The following GPM6A variants were observed in gnomAD, a reference collection of about 807,000 sequenced individuals.
GPM6A encodes glycoprotein M6A.
In GPM6A, 7 loss-of-function variants were observed where a neutral mutation model predicts 32.1. That is an observed-to-expected ratio of 0.22 (90% CI 0.12 to 0.41). The LOEUF (loss-of-function observed/expected upper bound fraction) is 0.41, where lower values mean the gene tolerates loss of function less well. Ranked by LOEUF, GPM6A falls within the 10% of genes least tolerant of loss-of-function variation. The pLI is 1.00. For missense variants in GPM6A, 235 were observed against 347.2 expected, an observed-to-expected ratio of 0.68 and a Z score of 2.57; for synonymous variants, 130 against 123.4, an observed-to-expected ratio of 1.05 and a Z score of -0.35.
chr4:175,991,641 A>G (rs1741149705), intron 1 of GPM6A, among the ~76,000 whole-genome samples: 1 of 152,182 alleles, frequency 6.6e-6, no homozygotes, highest in Non-Finnish European at 1.5e-5. Context: ...AATATTTTGA[A>G]AGCACAATTC....
At chr4:175,712,087 G>T (rs763453791) in intron 1 of GPM6A, among the ~76,000 whole-genome samples, 1 of 152,072 alleles carries the variant, frequency 6.6e-6, no homozygotes, top group East Asian at 1.9e-4. Flanking sequence ...GGAGAGAAAA[G>T]ATAAACAACT....
intron 3 of GPM6A, among the ~76,000 whole-genome samples, chr4:175,653,743 T>C (rs1741929175): frequency 6.6e-6 from 1 of 152,010 alleles, no homozygotes; most frequent in Admixed American, 6.6e-5. Context: ...CAATAACACT[T>C]CCCCCTTATT....
At chr4:175,658,786 A>G (rs2110938955) in intron 3 of GPM6A, among the ~76,000 whole-genome samples, 1 of 152,320 alleles carries the variant, frequency 6.6e-6, no homozygotes, top group East Asian at 1.9e-4. Flanking sequence ...TGAGGAATTT[A>G]TTCATGAGCA....
chr4:175,736,408 A>G (rs1444500205), intron 1 of GPM6A, among the ~76,000 whole-genome samples: 1 of 152,202 alleles, frequency 6.6e-6, no homozygotes, highest in Non-Finnish European at 1.5e-5. Flanking sequence ...CCGAGGATCT[A>G]TGCCACCTGT....
chr4:175,879,426 G>A (rs375009741), intron 1 of GPM6A, among the ~76,000 whole-genome samples: 1 of 152,112 alleles, frequency 6.6e-6, no homozygotes, highest in Admixed American at 6.6e-5. Context: ...TCCTCATGGA[G>A]GGGGAGGCCT....
intron 1 of GPM6A, among the ~76,000 whole-genome samples, chr4:175,751,507 CA>C (rs1411084281): frequency 2.6e-5 from 4 of 152,134 alleles, no homozygotes; most frequent in Admixed American, 2.0e-4. Context: ...TTATATTCAG[CA>C]AATTTCTTAG....
chr4:175,831,056 A>G (rs1191087479), intron 1 of GPM6A, among the ~76,000 whole-genome samples: 1 of 152,192 alleles, frequency 6.6e-6, no homozygotes, highest in Non-Finnish European at 1.5e-5. Flanking sequence ...CATTGGGACT[A>G]ATGTCTATTA....
intron 5 of GPM6A, among the ~76,000 whole-genome samples, chr4:175,640,549 A>C (rs1055464948): frequency 6.6e-6 from 1 of 152,200 alleles, no homozygotes; most frequent in Non-Finnish European, 1.5e-5. Context: ...AATTTGAAAT[A>C]GTTATTATAA....
intron 1 of GPM6A, among the ~76,000 whole-genome samples, chr4:175,904,455 T>TAC (rs1016253441): frequency 6.6e-6 from 1 of 152,114 alleles, no homozygotes; most frequent in Non-Finnish European, 1.5e-5. Flanking sequence ...CACATATATA[T>TAC]ACACACACAT....
At chr4:175,698,879 C>G (rs748615801) in intron 2 of GPM6A, among the ~76,000 whole-genome samples, 17 of 152,120 alleles carry the variant, frequency 1.1e-4, no homozygotes, top group Non-Finnish European at 2.2e-4. Flanking sequence ...CTAAACTCCC[C>G]TCACCCCTAC....
At chr4:175,855,723 A>C (rs1309739327) in intron 1 of GPM6A, among the ~76,000 whole-genome samples, 1 of 152,222 alleles carries the variant, frequency 6.6e-6, no homozygotes, top group Non-Finnish European at 1.5e-5. Context: ...CAAGGGAAGG[A>C]GGCTAGAATG....
chr4:175,876,046 T>C (rs1157716108), intron 1 of GPM6A, among the ~76,000 whole-genome samples: 4 of 152,310 alleles, frequency 2.6e-5, no homozygotes, highest in African/African-American at 9.6e-5. Flanking sequence ...ATAAGTCAGA[T>C]AACCTTTTTT....
At chr4:175,771,120 T>C (rs1733170175) in intron 1 of GPM6A, among the ~76,000 whole-genome samples, 1 of 151,738 alleles carries the variant, frequency 6.6e-6, no homozygotes, top group African/African-American at 2.4e-5. Context: ...TATCTCACCT[T>C]CATTATGGCC....
At chr4:175,849,885 G>A (rs1318266703) in intron 1 of GPM6A, among the ~76,000 whole-genome samples, 1 of 152,076 alleles carries the variant, frequency 6.6e-6, no homozygotes. Flanking sequence ...GGATGTATTA[G>A]ACATGTGAGG....
At chr4:175,747,167 G>A (rs980013896) in intron 1 of GPM6A, among the ~76,000 whole-genome samples, 2 of 151,486 alleles carry the variant, frequency 1.3e-5, no homozygotes, top group African/African-American at 4.9e-5. Context: ...CTACTTGGGA[G>A]GCTGAGGCAG....
chr4:175,812,396 T>G (rs1311698070), upstream of GPM6A: 15 of 1,319,216 alleles, frequency 1.1e-5, 1 homozygote, highest in Non-Finnish European at 1.3e-5. Flanking sequence ...TAGCTCAGGC[T>G]CCCTCGTTCC....
rs541280500 is a variant in GPM6A at position 175,834,153 on chromosome 4, T to TC, written c.-22-21905_-22-21904insG. On this transcript the variant is annotated intron_variant, in intron 1 of 7. Coordinates refer to the GPM6A transcript ENST00000280187. ...GATGTGTTACGATTTACTCAACTGT[T>TC]TATTTGCCAGGCCTTTAATCTGAAA... Among the ~76,000 whole-genome samples, 36 of 150,950 alleles carry TC rather than the reference T, an allele frequency of 2.4e-4. 1 individual carries two copies. The South Asian group carries it at 4.7e-3, about 20-fold the overall frequency.
At chr4:175,726,279 G>A (rs533737635) in intron 1 of GPM6A, among the ~76,000 whole-genome samples, 14 of 152,084 alleles carry the variant, frequency 9.2e-5, no homozygotes, top group South Asian at 2.1e-4. Context: ...GATTACAGGC[G>A]TGAGCCACTG....
chr4:175,968,284 T>C (rs2126416692), intron 1 of GPM6A, among the ~76,000 whole-genome samples: 1 of 152,050 alleles, frequency 6.6e-6, no homozygotes. Flanking sequence ...ACAAAGGACA[T>C]CATAGACCTA....
Sources: gnomAD v4.1 joint callset for allele counts (sites outside exome capture counted in the v4.1 genomes callset) on GRCh38, gnomAD v4.1.1 for gene constraint, MANE v1.5 for transcripts, NCBI Gene and HGNC (gene_info 2026-07-23, HGNC 2026-07-21) for gene names.